The following ATP6V0A4 variants were observed in gnomAD, a reference collection of about 807,000 sequenced individuals.
ATP6V0A4 encodes ATPase H+ transporting V0 subunit a4.
In ATP6V0A4, 86 loss-of-function variants were observed where a neutral mutation model predicts 107.3. The observed-to-expected ratio is 0.80, with a 90% confidence interval of 0.67 to 0.96. The LOEUF (loss-of-function observed/expected upper bound fraction) is 0.96, where lower values mean the gene tolerates loss of function less well. ATP6V0A4 is among the 40% of genes least tolerant of loss of function. The pLI is 0.00. For missense variants in ATP6V0A4, 908 were observed against 1,045.6 expected, an observed-to-expected ratio of 0.87 and a Z score of 1.81; for synonymous variants, 353 against 381.4, an observed-to-expected ratio of 0.93 and a Z score of 0.87.
rs1175560461 is a variant in ATP6V0A4 at position 138,752,381 on chromosome 7, TA to T, written c.1029+243del. 8.5e-4 allele frequency among the ~76,000 whole-genome samples: 127 copies of T among 149,902 alleles called. 2 individuals are homozygous for T. The highest frequency in any genetic ancestry group is 1.4e-3 in the African/African-American group (56 of 40,814). ...CGAGATTCTATTTTTTTTTTTTTTTTAAAAAAACCTCAATACGTACTCACAA... is the reference window on the plus strand; with the variant it reads ...CGAGATTCTATTTTTTTTTTTTTTTTAAAAAACCTCAATACGTACTCACAA... On this transcript the variant is annotated intron_variant, in intron 11 of 21. Coordinates refer to ENST00000310018, the MANE Select transcript of ATP6V0A4 (RefSeq NM_020632.3).
At chr7:138,737,373 T>C (rs1284171258) in intron 15 of ATP6V0A4, among the ~76,000 whole-genome samples, 1 of 151,392 alleles carries the variant, frequency 6.6e-6, no homozygotes, top group Non-Finnish European at 1.5e-5. Flanking sequence ...CCTGCCGCCA[T>C]GTAAGATGTG....
At chr7:138,726,060 G>A (rs1562985552) in intron 18 of ATP6V0A4, among the ~76,000 whole-genome samples, 1 of 152,008 alleles carries the variant, frequency 6.6e-6, no homozygotes, top group African/African-American at 2.4e-5. Flanking sequence ...TGCAATTTCG[G>A]CTCACTGCAA....
At chr7:138,787,151 G>T (rs1186853005) in intron 1 of ATP6V0A4, among the ~76,000 whole-genome samples, 1 of 152,106 alleles carries the variant, frequency 6.6e-6, no homozygotes, top group Non-Finnish European at 1.5e-5. Context: ...CTGCACTTCA[G>T]GGTCTTTTCA....
rs1370746302 is a variant in ATP6V0A4 at position 138,768,854 on chromosome 7, G to T, written c.217C>A (p.Gln73Lys). The T allele has an allele frequency of 6.2e-7, 1 of 1,614,178 alleles. No individual in the cohort carries two copies. Among genetic ancestry groups the T allele is most frequent in the Admixed American group, 1.7e-5 (1 of 60,018 alleles). Residue 73 changes from glutamine (Q) to lysine (K), a missense_variant, in exon 5 of 22, where the codon CAA becomes AAA. Physicochemically the swap from Gln to Lys is moderately conservative, Grantham distance 53 (BLOSUM62 1). Transcript: ENST00000310018. Reference protein sequence around the residue: ...RILRFLEDEMQNEIVVQLLEK... With the variant: ...RILRFLEDEMKNEIVVQLLEK... Reference sequence around the variant, plus strand: ...AGCAACTGAACTACAATCTCATTTTGCATCTCGTCTTCCAGAAAACCTGAA... The same window carrying T: ...AGCAACTGAACTACAATCTCATTTTTCATCTCGTCTTCCAGAAAACCTGAA...
At chr7:138,715,633 A>G in intron 20 of ATP6V0A4, 131 bp downstream of exon 20, 1 of 1,334,672 alleles carries the variant, frequency 7.5e-7, no homozygotes, top group Admixed American at 1.7e-5. Flanking sequence ...GTGCCTGGGA[A>G]AGAAGAGTCA....
rs766296786 is a variant in ATP6V0A4 at position 138,755,687 on chromosome 7, A to G, written c.816+2T>C. ...GACCATGCGCCCAAACCCCTCACTCACGGTGATTAAATCTTCCAGCCTCAC... is the reference window on the plus strand; with the variant it reads ...GACCATGCGCCCAAACCCCTCACTCGCGGTGATTAAATCTTCCAGCCTCAC... On this transcript the variant is annotated splice_donor_variant, in intron 10 of 21. Transcript: ENST00000310018. LOFTEE classifies it high-confidence loss of function. 3 of 1,613,676 alleles carry G rather than the reference A, an allele frequency of 1.9e-6. No homozygotes were observed. Among genetic ancestry groups the G allele is most frequent in the Non-Finnish European group, 2.5e-6 (3 of 1,179,994 alleles).
rs1554396075 is a variant in ATP6V0A4, at chr7:138,745,978, T to TAA, written c.1321-700_1321-699dup. Among the ~76,000 whole-genome samples the TAA allele has an allele frequency of 1.6e-3, 200 of 122,674 alleles. 1 individual carries two copies. The highest frequency in any genetic ancestry group is 6.2e-3 in the African/African-American group (190 of 30,816). The allele number at this position is 122,674 out of a possible 152,430, so 80.5% of individuals were successfully genotyped here. On this transcript the variant is annotated intron_variant, in intron 13 of 21. Transcript: ENST00000310018. The stretch of plus-strand genomic sequence containing the variant: ...AAAAAAAAAAATATATATATATATA[T>TAA]AAAATATATATTATAAATATAAATA...
At chr7:138,753,885 G>A (rs996815926) in intron 10 of ATP6V0A4, among the ~76,000 whole-genome samples, 9 of 152,148 alleles carry the variant, frequency 5.9e-5, no homozygotes, top group Admixed American at 4.6e-4. Context: ...CTCAGCATCA[G>A]ACAGTGTCTA....
At position 138,759,774 on chromosome 7, in the gene ATP6V0A4, G is replaced by A. The variant is rs1048407623; in HGVS notation, c.617C>T (p.Ala206Val). The A allele has an allele frequency of 1.9e-6, 3 of 1,614,006 alleles. No individual in the cohort carries two copies. The Admixed American group carries it at 5.0e-5, about 27-fold the overall frequency. ...NVYLKFSEMD[A>V]PLEDPVTKEE... ...CACCGTCACAGGATCCTCCAGAGGG[G>A]CGTCCATCTCACTGAACTTCAAGTA... Residue 206 changes from alanine to valine, a missense_variant, in exon 8 of 22, where the codon GCC (alanine) becomes GTC (valine). Ala to Val is a moderately conservative substitution (Grantham distance 64). Coordinates refer to ENST00000310018, the MANE Select transcript of ATP6V0A4 (RefSeq NM_020632.3).
intron 2 of ATP6V0A4, among the ~76,000 whole-genome samples, chr7:138,784,622 CATA>C (rs1000650900): frequency 3.8e-4 from 58 of 152,084 alleles, no homozygotes; most frequent in African/African-American, 1.3e-3. Context: ...CTGGCCTAAA[CATA>C]ATATTTTTAT....
At chr7:138,730,349 T>A (rs1211348300) in intron 17 of ATP6V0A4, among the ~76,000 whole-genome samples, 1 of 136,420 alleles carries the variant, frequency 7.3e-6, no homozygotes, top group Non-Finnish European at 1.5e-5. Flanking sequence ...TGAGTGTGTG[T>A]GTGTGTGTGT....
chr7:138,790,392 C>G (rs1222168924), intron 1 of ATP6V0A4, among the ~76,000 whole-genome samples: 1 of 152,114 alleles, frequency 6.6e-6, no homozygotes, highest in Non-Finnish European at 1.5e-5. Context: ...CTCTTGGGTT[C>G]AAGCGATTCT....
intron 18 of ATP6V0A4, 57 bp downstream of exon 18, chr7:138,728,704 T>C: frequency 6.2e-7 from 1 of 1,610,376 alleles, no homozygotes. Context: ...AGATTCATCT[T>C]TCCAGAAACC....
intron 1 of ATP6V0A4, 25 bp from the exon 2 acceptor site, chr7:138,786,285 A>G (rs1025999021): frequency 1.3e-5 from 2 of 152,286 alleles, no homozygotes; most frequent in Non-Finnish European, 2.9e-5. Flanking sequence ...GTTTTATCAT[A>G]AAGAGAACAG....
intron 14 of ATP6V0A4, among the ~76,000 whole-genome samples, chr7:138,744,458 G>A (rs1025957066): frequency 5.9e-5 from 9 of 151,890 alleles, no homozygotes; most frequent in East Asian, 3.9e-4. Context: ...GGCTGGTCTC[G>A]AACTCCTGAA....
chr7:138,706,735 C>T lies in ATP6V0A4; in HGVS notation c.2430-18G>A, dbSNP rs1447755185. The T allele has an allele frequency of 6.2e-7, 1 of 1,612,454 alleles. No individual in the cohort carries two copies. Among genetic ancestry groups the T allele is most frequent in the South Asian group, 1.1e-5 (1 of 91,034 alleles). On this transcript the variant is annotated intron_variant, in intron 21 of 21. Transcript: ENST00000310018. ...ACTCAACCCTGTTGTTGAGGGGAGG[C>T]CGTGGGGTAAGAAATGGGAGATTGA...
In ATP6V0A4 at chr7:138,739,637, T is replaced by C; in HGVS notation, c.1479-4A>G. The C allele has an allele frequency of 1.9e-6, 3 of 1,613,996 alleles. No homozygotes were observed. Among genetic ancestry groups the C allele is most frequent in the Non-Finnish European group, 2.5e-6 (3 of 1,179,990 alleles). On this transcript the variant is annotated splice_region_variant and splice_polypyrimidine_tract_variant and intron_variant, in intron 14 of 21. Coordinates refer to ENST00000310018, the MANE Select transcript of ATP6V0A4 (RefSeq NM_020632.3). ...ACTTTCCTCCATTACATGAGTACTT[T>C]AGAGGGAGAAAAGGAGAAAAACAAA...
chr7:138,781,860 T>G (rs1234398157), intron 2 of ATP6V0A4, among the ~76,000 whole-genome samples: 1 of 123,632 alleles, frequency 8.1e-6, no homozygotes, highest in African/African-American at 3.0e-5. Flanking sequence ...TTTTTTTTTG[T>G]AGAGTTTGGG....
intron 19 of ATP6V0A4, among the ~76,000 whole-genome samples, chr7:138,721,297 G>C (rs917957756): frequency 6.6e-6 from 1 of 152,186 alleles, no homozygotes; most frequent in Non-Finnish European, 1.5e-5. Context: ...CCAGCACTTT[G>C]GGAGGCCGAG....
Sources: allele counts gnomAD v4.1 joint callset (sites outside exome capture counted in the v4.1 genomes callset), GRCh38; gene constraint gnomAD v4.1.1; transcripts MANE v1.5; gene names NCBI Gene and HGNC (gene_info 2026-07-23, HGNC 2026-07-21).